Variants in BRWD3 observed in about 807,000 individuals in gnomAD.
BRWD3 encodes the protein bromodomain and WD repeat-containing protein 3.
BRWD3 carries 10 observed loss-of-function variants against 149.7 expected under a neutral mutation model. The observed-to-expected ratio is 0.07, with a 90% CI of 0.04 to 0.11. The LOEUF (loss-of-function observed/expected upper bound fraction) is 0.11. Ranked by LOEUF, BRWD3 falls within the 10% of genes least tolerant of loss-of-function variation. The pLI is 1.00. For missense variants in BRWD3, 940 were observed against 1,373.2 expected (o/e 0.68, Z 4.99); for synonymous variants, 504 against 456.7 (o/e 1.10, Z -1.32).
intron 6 of BRWD3, among the ~76,000 whole-genome samples, chrX:80,786,083 T>G (rs2074104812): frequency 8.9e-6 from 1 of 112,098 alleles, no homozygotes; most frequent in Non-Finnish European, 1.9e-5. Flanking sequence ...ACTATCAAAT[T>G]ATGCACCTAT....
At chrX:80,700,086 A>G in intron 24 of BRWD3, 22 bp from the exon 25 acceptor site, 1 of 1,103,613 alleles carries the variant, frequency 9.1e-7, no homozygotes, top group Non-Finnish European at 1.2e-6. Context: ...AACATAAGGT[A>G]TTAAACAGCA....
rs2072319165 is a variant in BRWD3, at chrX:80,671,018, G to C, written c.*5591C>G. ...TAACTATATAGTTATGAATGTTCCT[G>C]TTAGAGCATTCAGATCATCTCACCT... On this transcript the variant is annotated 3_prime_UTR_variant, in exon 41 of 41. Coordinates refer to ENST00000373275, the MANE Select transcript of BRWD3 (RefSeq NM_153252.5). The C allele has an allele frequency of 9.0e-6, 1 of 111,120 alleles. No homozygotes were observed. The highest frequency in any genetic ancestry group is 3.3e-5 in the African/African-American group (1 of 30,533). 9.2% of individuals were successfully genotyped at this position (111,120 alleles called of 1,213,427 possible). A position where few individuals can be genotyped will look rare whatever the true frequency, so the allele number is the denominator to read the frequency against.
chrX:80,723,534 A>T (rs1360259574), intron 16 of BRWD3, among the ~76,000 whole-genome samples: 1 of 109,921 alleles, frequency 9.1e-6, no homozygotes, highest in African/African-American at 3.3e-5. Context: ...TATCTTCATC[A>T]CCCTATAACT....
At chrX:80,685,572 A>T (rs1277676724) in intron 35 of BRWD3, 36 bp from the exon 36 acceptor site, 13 of 1,042,019 alleles carry the variant, frequency 1.2e-5, no homozygotes, top group Non-Finnish European at 1.6e-5. Flanking sequence ...GTTTCCAGAC[A>T]ACTATAACAA....
chrX:80,768,388 A>G (rs1209982191), intron 6 of BRWD3, among the ~76,000 whole-genome samples: 1 of 111,924 alleles, frequency 8.9e-6, no homozygotes, highest in Non-Finnish European at 1.9e-5. Context: ...TCTCTCAGCA[A>G]AAACTCTACA....
chrX:80,784,199 A>G (rs2074085332), intron 6 of BRWD3, among the ~76,000 whole-genome samples: 1 of 111,215 alleles, frequency 9.0e-6, no homozygotes, highest in African/African-American at 3.3e-5. Context: ...CAACAAATAT[A>G]CACATCTACT....
intron 6 of BRWD3, among the ~76,000 whole-genome samples, chrX:80,749,620 G>A: frequency 9.0e-6 from 1 of 110,848 alleles, no homozygotes; most frequent in African/African-American, 3.3e-5. Flanking sequence ...ATTGGGTCAT[G>A]GTTTTTCATC....
chrX:80,734,690 A>G (rs1156690144), intron 10 of BRWD3, among the ~76,000 whole-genome samples: 3 of 108,415 alleles, frequency 2.8e-5, no homozygotes, highest in African/African-American at 6.7e-5. Context: ...TAGGTTCTGT[A>G]TATTTCACCA....
chrX:80,768,234 A>G (rs2073890004), intron 6 of BRWD3, among the ~76,000 whole-genome samples: 1 of 110,963 alleles, frequency 9.0e-6, no homozygotes, highest in South Asian at 3.8e-4. Context: ...AGAGACCACC[A>G]CAAAGATACT....
At chrX:80,685,939 G>C (rs913940787) in intron 35 of BRWD3, among the ~76,000 whole-genome samples, 2 of 111,313 alleles carry the variant, frequency 1.8e-5, no homozygotes, top group African/African-American at 3.3e-5. Context: ...TCAATGAATA[G>C]ATACACTCCC....
chrX:80,781,696 A>ATATGCAAGCAT (rs2074059035), intron 6 of BRWD3, among the ~76,000 whole-genome samples: 1 of 111,777 alleles, frequency 8.9e-6, no homozygotes, highest in Non-Finnish European at 1.9e-5. Flanking sequence ...AAAAATCAGT[A>ATATGCAAGCAT]GCATTTCTAT....
At chrX:80,689,016 T>C (rs186453407) in intron 33 of BRWD3, among the ~76,000 whole-genome samples, 1 of 110,776 alleles carries the variant, frequency 9.0e-6, no homozygotes, top group Non-Finnish European at 1.9e-5. Context: ...GCATTGGAGA[T>C]TTACCATTCT....
chrX:80,713,746 A>C (rs892303931), intron 20 of BRWD3, among the ~76,000 whole-genome samples: 2 of 111,865 alleles, frequency 1.8e-5, no homozygotes, highest in Non-Finnish European at 3.8e-5. Flanking sequence ...TAACAACAGA[A>C]GGGAAAGGAC....
At chrX:80,774,971 T>C (rs1212205792) in intron 6 of BRWD3, among the ~76,000 whole-genome samples, 3 of 112,266 alleles carry the variant, frequency 2.7e-5, no homozygotes, top group Admixed American at 9.5e-5. Context: ...ATGATTTTCC[T>C]ATTCAAAAAC....
At chrX:80,754,548 T>A (rs1377550229) in intron 6 of BRWD3, among the ~76,000 whole-genome samples, 4 of 112,123 alleles carry the variant, frequency 3.6e-5, no homozygotes, top group Non-Finnish European at 7.5e-5. Flanking sequence ...CTATGTTGAA[T>A]AGGAGTGAAA....
intron 31 of BRWD3, 86 bp from the exon 32 acceptor site, chrX:80,690,178 T>C: frequency 1.0e-6 from 1 of 982,595 alleles, no homozygotes; most frequent in Non-Finnish European, 1.4e-6. Context: ...AAATATGTAC[T>C]TAAACACAGT....
At chrX:80,805,920 C>T (rs2074344756) in intron 4 of BRWD3, among the ~76,000 whole-genome samples, 1 of 111,272 alleles carries the variant, frequency 9.0e-6, no homozygotes, top group Non-Finnish European at 1.9e-5. Flanking sequence ...GGCAATAGAG[C>T]GAGACTCCCT....
chrX:80,704,018 C>A (rs892123583), intron 23 of BRWD3, among the ~76,000 whole-genome samples: 1 of 111,738 alleles, frequency 8.9e-6, no homozygotes, highest in Non-Finnish European at 1.9e-5. Flanking sequence ...GTCTTTAAAT[C>A]ATTTAAATGA....
rs1245532638 is a variant in BRWD3, at chrX:80,809,765, G to A, written c.-294C>T. 19 of 86,008 alleles carry A rather than the reference G, an allele frequency of 2.2e-4. No individual in the cohort carries two copies. Among genetic ancestry groups the A allele is most frequent in the African/African-American group, 1.5e-3 (19 of 12,364 alleles). 7.1% of individuals were successfully genotyped at this position (86,008 alleles called of 1,213,427 possible). On this transcript the variant is annotated 5_prime_UTR_variant, in exon 1 of 41. Transcript: ENST00000373275. Reference sequence around the variant, plus strand: ...GAGAGAGAGAGAGAGGAAAAAGAGAGAGAGAGAGAGAGAGAGAGAGAGAGA... The same window carrying A: ...GAGAGAGAGAGAGAGGAAAAAGAGAAAGAGAGAGAGAGAGAGAGAGAGAGA...
Sources: allele counts gnomAD v4.1 joint callset (sites outside exome capture counted in the v4.1 genomes callset), GRCh38; gene constraint gnomAD v4.1.1; transcripts MANE v1.5; gene names NCBI Gene and HGNC (gene_info 2026-07-23, HGNC 2026-07-21).